LRRC27: variants seen among roughly 807,000 people sequenced by gnomAD.
The protein encoded by LRRC27 is leucine-rich repeat-containing protein 27.
In LRRC27, 57 loss-of-function variants were observed where a neutral mutation model predicts 55.0. That is an observed-to-expected ratio of 1.04 (90% CI 0.84 to 1.29). The LOEUF (loss-of-function observed/expected upper bound fraction) is 1.29, where lower values mean the gene tolerates loss of function less well. Among genes scored for constraint, LRRC27 ranks in the 50% most tolerant of loss-of-function variants. The probability of loss-of-function intolerance (pLI) is 0.00; values close to 1 mark genes in which losing one functional copy is unlikely to be tolerated. For missense variants in LRRC27, 721 were observed against 651.5 expected (o/e 1.11, Z -1.16); for synonymous variants, 278 against 251.9 (o/e 1.10, Z -0.98).
chr10:132,349,087 C>G, intron 6 of LRRC27: 1 of 1,463,968 alleles, frequency 6.8e-7, no homozygotes, highest in South Asian at 1.2e-5. Context: ...GTGTGTGTGC[C>G]TGCATGTGGT....
At chr10:132,337,386 T>G (rs956022495) in intron 2 of LRRC27, 179 bp from the exon 3 acceptor site, 1 of 1,387,642 alleles carries the variant, frequency 7.2e-7, no homozygotes, top group Non-Finnish European at 9.3e-7. Flanking sequence ...TTCTTTTCTT[T>G]CTGATTCTTT....
chr10:132,353,453 C>T, intron 7 of LRRC27: 1 of 981,428 alleles, frequency 1.0e-6, no homozygotes, highest in Non-Finnish European at 1.2e-6. Context: ...CTGTGTCCAG[C>T]ACACAGATTC....
intron 10 of LRRC27, among the ~76,000 whole-genome samples, chr10:132,371,055 G>A (rs545695427): frequency 6.6e-6 from 1 of 152,390 alleles, no homozygotes; most frequent in Admixed American, 6.5e-5. Context: ...TGAGACAGTT[G>A]GCATGTCCCA....
intron 8 of LRRC27, among the ~76,000 whole-genome samples, 158 bp downstream of exon 8, chr10:132,356,044 G>GGTGTGGGTGGGTGCTCACACGC (rs2068296823): frequency 6.6e-6 from 1 of 152,172 alleles, no homozygotes; most frequent in Non-Finnish European, 1.5e-5. Context: ...GAGACTTGGG[G>GGTGTGGGTGGGTGCTCACACGC]AGGAAGCTGC....
chr10:132,371,166 G>A (rs1048616965), intron 10 of LRRC27, among the ~76,000 whole-genome samples: 8 of 152,354 alleles, frequency 5.3e-5, no homozygotes, highest in Admixed American at 3.9e-4. Context: ...AGGCATCTGC[G>A]CAGTGCCGCG....
chr10:132,358,193 G>A (rs1395293314), intron 8 of LRRC27, among the ~76,000 whole-genome samples: 1 of 152,254 alleles, frequency 6.6e-6, no homozygotes, highest in Non-Finnish European at 1.5e-5. Context: ...GTCCACAGAA[G>A]AGGAAATCCA....
rs1378166154 is a variant in LRRC27 at position 132,381,096 on chromosome 10, A to G, written c.*5854A>G. 6.6e-6 allele frequency among the ~76,000 whole-genome samples: 1 copy of G among 152,256 alleles called. No individual in the cohort carries two copies. The highest frequency in any genetic ancestry group is 1.5e-5 in the Non-Finnish European group (1 of 68,048). ...TTCTGGGTGTTGCCAGAAGAGATTA[A>G]CATTTGAGTCAGTGGACTGGGAGAA... is the stretch of plus-strand genomic sequence containing the variant. On this transcript the variant is annotated 3_prime_UTR_variant, in exon 11 of 11. Transcript: ENST00000368614.
rs2069325906 is a variant in LRRC27, at chr10:132,375,547, C to T, written c.*305C>T. ...ACTCAGGCACTTGCCTCTCTCCTGT[C>T]CTGGAGCCCTTGTTACAAAAGTACT... is the stretch of plus-strand genomic sequence containing the variant. On this transcript the variant is annotated 3_prime_UTR_variant, in exon 11 of 11. Coordinates refer to ENST00000368614, the MANE Select transcript of LRRC27 (RefSeq NM_030626.3). 1 of 249,812 alleles carries T rather than the reference C, an allele frequency of 4.0e-6. No homozygotes were observed. Among genetic ancestry groups the T allele is most frequent in the South Asian group, 1.1e-4 (1 of 9,484 alleles). The allele number at this position is 249,812 out of a possible 1,614,324, so 15.5% of individuals were successfully genotyped here.
In LRRC27 at chr10:132,359,128, C is replaced by CCGAGGTGGTGGAGT. The variant is rs1287652386; in HGVS notation, c.1171-2329_1171-2328insCGAGGTGGTGGAGT. ...GTGGGGAGGAGCCGAGGTGGTGGAG[C>CCGAGGTGGTGGAGT]GTGGGAAGGAGCCGAGGTGGTGGAG... On this transcript the variant is annotated intron_variant, in intron 8 of 10. Coordinates refer to ENST00000368614, the MANE Select transcript of LRRC27 (RefSeq NM_030626.3). Among the ~76,000 whole-genome samples the CCGAGGTGGTGGAGT allele has an allele frequency of 3.0e-5, 2 of 66,682 alleles. 1 individual carries two copies. Among genetic ancestry groups the CCGAGGTGGTGGAGT allele is most frequent in the African/African-American group, 1.1e-4 (2 of 18,792 alleles). 43.7% of individuals were successfully genotyped at this position (66,682 alleles called of 152,430 possible).
chr10:132,340,801 T>TA (rs1218352517), intron 3 of LRRC27, among the ~76,000 whole-genome samples: 27 of 99,498 alleles, frequency 2.7e-4, no homozygotes, highest in East Asian at 1.1e-3. Flanking sequence ...CCGTCTCTAC[T>TA]AAAAAAAAAA....
At chr10:132,349,021 A>T in intron 6 of LRRC27, 3 of 1,611,110 alleles carry the variant, frequency 1.9e-6, no homozygotes, top group Non-Finnish European at 2.5e-6. Context: ...AACTCGAATC[A>T]TGGGCGTGGT....
intron 7 of LRRC27, among the ~76,000 whole-genome samples, chr10:132,355,238 G>C (rs1036589402): frequency 3.3e-5 from 5 of 152,284 alleles, no homozygotes; most frequent in East Asian, 1.9e-4. Context: ...ACTACACCCG[G>C]CTAATTTTTT....
At chr10:132,335,122 A>G (rs1454085568) in intron 2 of LRRC27, 4 of 152,244 alleles carry the variant, frequency 2.6e-5, no homozygotes, top group Non-Finnish European at 4.4e-5. Flanking sequence ...TACCCATCCA[A>G]ACCCAAAGAA....
At chr10:132,359,745 C>G (rs1019522982) in intron 8 of LRRC27, among the ~76,000 whole-genome samples, 2 of 152,266 alleles carry the variant, frequency 1.3e-5, no homozygotes, top group Non-Finnish European at 2.9e-5. Flanking sequence ...GGTCTGTCAC[C>G]TGCTTTGTAA....
intron 8 of LRRC27, 42 bp downstream of exon 8, chr10:132,355,928 CG>C (rs2068288327): frequency 1.4e-6 from 2 of 1,389,278 alleles, no homozygotes; most frequent in Admixed American, 2.0e-5. Context: ...AGTCCAGTCC[CG>C]GGGGTGGGTG....
At chr10:132,352,962 T>C in intron 7 of LRRC27, 1 of 1,613,876 alleles carries the variant, frequency 6.2e-7, no homozygotes, top group Non-Finnish European at 8.5e-7. Context: ...TTGCTGTGAC[T>C]GCCGCCAGTG....
At chr10:132,332,974 T>G (rs887087433) in intron 1 of LRRC27, among the ~76,000 whole-genome samples, 3 of 152,100 alleles carry the variant, frequency 2.0e-5, no homozygotes, top group Admixed American at 2.0e-4. Context: ...TTTAACAGGT[T>G]TTTCCCCGGT....
intron 8 of LRRC27, 134 bp downstream of exon 8, chr10:132,356,020 A>C (rs150957948): frequency 1.6e-6 from 1 of 637,978 alleles, no homozygotes; most frequent in African/African-American, 1.9e-5. Flanking sequence ...ATCCCTGTCC[A>C]TGGAGGATGA....
At chr10:132,370,642 A>G (rs2069191431) in intron 10 of LRRC27, among the ~76,000 whole-genome samples, 1 of 152,188 alleles carries the variant, frequency 6.6e-6, no homozygotes, top group Non-Finnish European at 1.5e-5. Flanking sequence ...GGTCCCTGAG[A>G]CAGACCAGAA....
Sources: allele counts gnomAD v4.1 joint callset (sites outside exome capture counted in the v4.1 genomes callset), GRCh38; gene constraint gnomAD v4.1.1; transcripts MANE v1.5; gene names NCBI Gene and HGNC (gene_info 2026-07-23, HGNC 2026-07-21).